LY75: variants seen among roughly 807,000 people sequenced by gnomAD.
The protein encoded by LY75 is lymphocyte antigen 75, also known as C-type lectin domain family 13 member B.
In LY75, 185 loss-of-function variants were observed where a neutral mutation model predicts 231.7. The observed-to-expected ratio is 0.80, with a 90% confidence interval of 0.71 to 0.90. The LOEUF is 0.90. LY75 is among the 40% of genes least tolerant of loss of function. The pLI, the probability that LY75 is intolerant of heterozygous loss-of-function variation, is 0.00. For missense variants in LY75, 1,947 were observed against 2,050.2 expected (o/e 0.95, Z 0.97); for synonymous variants, 668 against 689.0 (o/e 0.97, Z 0.48).
At chr2:159,839,091 C>T (rs1283554786) in intron 25 of LY75, among the ~76,000 whole-genome samples, 5 of 152,144 alleles carry the variant, frequency 3.3e-5, no homozygotes, top group Admixed American at 1.3e-4. Context: ...CCACCATGCC[C>T]GGCCGATCTG....
chr2:159,820,043 A>G, intron 28 of LY75, 123 bp from the exon 29 acceptor site: 1 of 897,998 alleles, frequency 1.1e-6, no homozygotes, highest in Non-Finnish European at 1.6e-6. Flanking sequence ...AGGTTGTATG[A>G]TTATGTATAA....
chr2:159,870,336 A>G (rs1684973236), intron 13 of LY75, among the ~76,000 whole-genome samples: 1 of 152,084 alleles, frequency 6.6e-6, no homozygotes, highest in African/African-American at 2.4e-5. Context: ...TTGTAGTCCC[A>G]GCTACTTGGG....
chr2:159,843,909 A>T (rs1159250342), intron 23 of LY75, among the ~76,000 whole-genome samples: 1 of 152,180 alleles, frequency 6.6e-6, no homozygotes, highest in Non-Finnish European at 1.5e-5. Flanking sequence ...ATCACACTGC[A>T]CCTGATAAAT....
chr2:159,904,333 C>G (rs1686171399), intron 1 of LY75, among the ~76,000 whole-genome samples: 1 of 152,230 alleles, frequency 6.6e-6, no homozygotes, highest in African/African-American at 2.4e-5. Flanking sequence ...TACGGTGCAC[C>G]GCGTCCCCTC....
chr2:159,860,788 T>C lies in LY75; in HGVS notation c.2268+33A>G, dbSNP rs1684679069. On this transcript the variant is annotated intron_variant, in intron 15 of 34. Transcript: ENST00000263636. ...CTGCATATGATGATGGACTTATGTTTTAAATATGCAGATTTTCCAGCATTG... is the reference window on the plus strand; with the variant it reads ...CTGCATATGATGATGGACTTATGTTCTAAATATGCAGATTTTCCAGCATTG... 1.9e-6 allele frequency: 3 copies of C among 1,612,154 alleles called. No homozygotes were observed. In the African/African-American group the frequency reaches 4.0e-5, roughly 21 times the overall value.
At chr2:159,850,762 CTTCAAACT>C (rs1364125893) in intron 21 of LY75, among the ~76,000 whole-genome samples, 3 of 50,752 alleles carry the variant, frequency 5.9e-5, no homozygotes, top group African/African-American at 3.0e-4. Flanking sequence ...GAAGAGCGGT[CTTCAAACT>C]TTCATATATA....
chr2:159,887,533 A>T (rs1685627562), intron 4 of LY75, among the ~76,000 whole-genome samples: 1 of 139,842 alleles, frequency 7.2e-6, no homozygotes, highest in Non-Finnish European at 1.5e-5. Context: ...ACTCCATCCT[A>T]GGTGGCAGAG....
At chr2:159,848,164 G>A (rs1028323463) in intron 23 of LY75, among the ~76,000 whole-genome samples, 5 of 105,540 alleles carry the variant, frequency 4.7e-5, no homozygotes, top group African/African-American at 1.2e-4. Flanking sequence ...GTGTGTGTGT[G>A]TGTATATGTA....
chr2:159,873,733 T>C (rs1276765015), intron 12 of LY75, among the ~76,000 whole-genome samples: 1 of 130,906 alleles, frequency 7.6e-6, no homozygotes, highest in Non-Finnish European at 1.6e-5. Context: ...AAAATACACA[T>C]AAATATATAC....
chr2:159,875,644 C>T lies in LY75; in HGVS notation c.1775-1G>A. 6.2e-7 allele frequency: 1 copy of T among 1,613,612 alleles called. No individual in the cohort carries two copies. Among genetic ancestry groups the T allele is most frequent in the South Asian group, 1.1e-5 (1 of 91,036 alleles). The stretch of plus-strand genomic sequence containing the variant: ...ATAGCCACGCAGCCGCCCGGGGAAG[C>T]TGGGATTGAAGTGGAAAGCTCAATT... On this transcript the variant is annotated splice_acceptor_variant, in intron 11 of 34. Transcript: ENST00000263636. LOFTEE classifies it high-confidence loss of function.
chr2:159,821,152 TAAG>T (rs1683273945), intron 28 of LY75, among the ~76,000 whole-genome samples: 1 of 151,930 alleles, frequency 6.6e-6, no homozygotes, highest in African/African-American at 2.4e-5. Flanking sequence ...AATTGATTTT[TAAG>T]AAGGATGCCA....
chr2:159,872,179 C>T, intron 13 of LY75: 1 of 281,068 alleles, frequency 3.6e-6, no homozygotes, highest in Non-Finnish European at 6.6e-6. Flanking sequence ...AAGGCCCTTC[C>T]TTGCCTATAT....
intron 32 of LY75, among the ~76,000 whole-genome samples, chr2:159,809,796 G>C (rs1216144166): frequency 2.0e-5 from 3 of 151,682 alleles, no homozygotes; most frequent in African/African-American, 7.3e-5. Context: ...TCCTGCCTCA[G>C]CTTCCCAAGT....
At chr2:159,819,667 T>C in intron 29 of LY75, 59 bp downstream of exon 29, 1 of 1,527,054 alleles carries the variant, frequency 6.5e-7, no homozygotes, top group Non-Finnish European at 8.8e-7. Flanking sequence ...CTGGTGGAAC[T>C]AATAGCCTTA....
At chr2:159,882,431 T>C in intron 6 of LY75, 116 bp from the exon 7 acceptor site, 4 of 1,399,810 alleles carry the variant, frequency 2.9e-6, no homozygotes, top group Non-Finnish European at 3.8e-6. Context: ...GGACGTGATG[T>C]CAGATGCTAC....
chr2:159,884,355 G>A (rs1452928008), intron 6 of LY75, among the ~76,000 whole-genome samples: 1 of 152,020 alleles, frequency 6.6e-6, no homozygotes, highest in Non-Finnish European at 1.5e-5. Context: ...TAAATACCAG[G>A]TATACATCAG....
At chr2:159,899,090 T>G (rs766643417) in intron 1 of LY75, 31 bp from the exon 2 acceptor site, 22 of 1,595,994 alleles carry the variant, frequency 1.4e-5, no homozygotes, top group Admixed American at 1.7e-5. Flanking sequence ...GATTGTAGAT[T>G]ATGTGGTTGA....
Position 159,803,486 on chromosome 2 carries a change from G to C in LY75, c.*1558C>G, listed in dbSNP as rs572509811. On this transcript the variant is annotated 3_prime_UTR_variant, in exon 35 of 35. Coordinates refer to ENST00000263636, the MANE Select transcript of LY75 (RefSeq NM_002349.4). ...GACTAAAATTGTACACAGATCACAGGACAAGAGAACTAGTCTAACAAATTC... is the reference window on the plus strand; with the variant it reads ...GACTAAAATTGTACACAGATCACAGCACAAGAGAACTAGTCTAACAAATTC... The C allele has an allele frequency of 6.6e-6, 1 of 152,130 alleles. No individual in the cohort carries two copies. The highest frequency in any genetic ancestry group is 2.4e-5 in the African/African-American group (1 of 41,504). 9.4% of individuals were successfully genotyped at this position (152,130 alleles called of 1,614,324 possible).
chr2:159,820,560 G>A (rs548332810), intron 28 of LY75, among the ~76,000 whole-genome samples: 173 of 152,208 alleles, frequency 1.1e-3, no homozygotes, highest in Admixed American at 4.4e-3. Context: ...AGGGATAAAA[G>A]ATTACACACT....
Sources: allele counts gnomAD v4.1 joint callset (sites outside exome capture counted in the v4.1 genomes callset), GRCh38; gene constraint gnomAD v4.1.1; transcripts MANE v1.5; gene names NCBI Gene and HGNC (gene_info 2026-07-23, HGNC 2026-07-21).